The following SIPA1L2 variants were observed in gnomAD, a reference collection of about 807,000 sequenced individuals.
SIPA1L2 encodes the protein signal-induced proliferation-associated 1-like protein 2.
A neutral mutation model predicts 163.9 loss-of-function variants in SIPA1L2; 56 were observed. The observed-to-expected ratio is 0.34, with a 90% CI of 0.28 to 0.43. SIPA1L2 has a LOEUF of 0.43. SIPA1L2 is among the 20% of genes least tolerant of loss of function. SIPA1L2 has a pLI of 1.00. For synonymous variants in SIPA1L2, 877 were observed against 865.7 expected (o/e 1.01, Z -0.23); for missense variants, 1,974 against 2,193.5 (o/e 0.90, Z 2.00).
intron 1 of SIPA1L2, among the ~76,000 whole-genome samples, chr1:232,604,570 T>C (rs1167931181): frequency 6.6e-6 from 1 of 152,160 alleles, no homozygotes; most frequent in Non-Finnish European, 1.5e-5. Context: ...CAAGGTGGTG[T>C]ATCTGTTTGG....
chr1:232,584,999 T>C (rs1343265135), intron 1 of SIPA1L2, among the ~76,000 whole-genome samples: 4 of 152,212 alleles, frequency 2.6e-5, no homozygotes, highest in Admixed American at 6.5e-5. Context: ...GGATATTTCA[T>C]TTAAGCCCCC....
chr1:232,606,638 A>G (rs953815247), intron 1 of SIPA1L2, among the ~76,000 whole-genome samples: 1 of 148,682 alleles, frequency 6.7e-6, no homozygotes, highest in Non-Finnish European at 1.5e-5. Flanking sequence ...TATATACTAT[A>G]TAATTTATAA....
chr1:232,583,577 A>T (rs1002719863), intron 1 of SIPA1L2, among the ~76,000 whole-genome samples: 1 of 152,322 alleles, frequency 6.6e-6, no homozygotes, highest in African/African-American at 2.4e-5. Context: ...AATGCCATAA[A>T]CATTTCAAGA....
At chr1:232,543,885 A>T (rs1052059631) in intron 2 of SIPA1L2, among the ~76,000 whole-genome samples, 1 of 152,158 alleles carries the variant, frequency 6.6e-6, no homozygotes, top group Non-Finnish European at 1.5e-5. Flanking sequence ...AAACATATAA[A>T]ATATAAAATG....
chr1:232,479,855 G>A, intron 6 of SIPA1L2, 125 bp from the exon 7 acceptor site: 2 of 693,908 alleles, frequency 2.9e-6, no homozygotes, highest in Non-Finnish European at 5.0e-6. Context: ...ACCAGTATCT[G>A]GATGCTGCCC....
In SIPA1L2 at chr1:232,460,939, C is replaced by T; in HGVS notation, c.3043G>A (p.Val1015Met). Residue 1015 changes from valine (V) to methionine (M), a missense_variant, in exon 10 of 23, where the codon GTG (valine) becomes ATG (methionine). Physicochemically the swap from Val to Met is conservative, Grantham distance 21. Around this residue, in one of 3 missense-constraint regions of SIPA1L2, gnomAD observed 1,079 missense variants for 1,150.7 expected, o/e 0.94. Transcript: ENST00000674635. ...EQMIDLLRTS[V>M]TVKVVIIQPH... ...TGGATGATGACCACCTTCACAGTCA[C>T]AGAAGTACGGAGCAGGTCGATCATC... 6.2e-7 allele frequency: 1 copy of T among 1,614,228 alleles called. No homozygotes were observed. The highest frequency in any genetic ancestry group is 1.6e-4 in the Middle Eastern group (1 of 6,062).
intron 2 of SIPA1L2, among the ~76,000 whole-genome samples, chr1:232,540,066 G>A (rs1657551707): frequency 6.6e-6 from 1 of 152,128 alleles, no homozygotes; most frequent in Admixed American, 6.5e-5. Flanking sequence ...CATTTTGGGA[G>A]GCCGAGGTGG....
intron 19 of SIPA1L2, among the ~76,000 whole-genome samples, chr1:232,404,948 T>A (rs890428124): frequency 6.6e-6 from 1 of 152,220 alleles, no homozygotes; most frequent in Non-Finnish European, 1.5e-5. Flanking sequence ...CCTTTTCCTA[T>A]GAATTGGTTA....
chr1:232,445,270 T>C (rs1485329538), intron 11 of SIPA1L2, among the ~76,000 whole-genome samples: 1 of 152,084 alleles, frequency 6.6e-6, no homozygotes, highest in East Asian at 1.9e-4. Flanking sequence ...CCAGTGGACA[T>C]GGAGGAAGGA....
At chr1:232,448,540 C>G (rs1284791278) in intron 10 of SIPA1L2, among the ~76,000 whole-genome samples, 1 of 152,156 alleles carries the variant, frequency 6.6e-6, no homozygotes, top group East Asian at 1.9e-4. Flanking sequence ...GAAACAGAAA[C>G]AACCTCAACT....
chr1:232,628,697 AATTACT>A (rs1663207834), intron 1 of SIPA1L2, among the ~76,000 whole-genome samples: 1 of 152,186 alleles, frequency 6.6e-6, no homozygotes, highest in Non-Finnish European at 1.5e-5. Context: ...TTTTTTCTTC[AATTACT>A]AATTGTAACA....
intron 6 of SIPA1L2, among the ~76,000 whole-genome samples, chr1:232,480,905 T>C (rs958747188): frequency 6.6e-6 from 1 of 152,218 alleles, no homozygotes; most frequent in Non-Finnish European, 1.5e-5. Context: ...CCCTGTAGTA[T>C]GTCTTTCTAA....
In SIPA1L2 at chr1:232,415,775, C is replaced by T. The variant is rs879225344; in HGVS notation, c.4631-150G>A. The T allele has an allele frequency of 1.5e-5, 13 of 885,818 alleles. No individual in the cohort carries two copies. The African/African-American group carries it at 1.6e-4, about 11-fold the overall frequency. The allele number at this position is 885,818 out of a possible 1,614,324, so 54.9% of individuals were successfully genotyped here. A position where few individuals can be genotyped will look rare whatever the true frequency, so the allele number is the denominator to read the frequency against. On this transcript the variant is annotated intron_variant, in intron 18 of 22. Transcript: ENST00000674635. ...CCCCCTCCCAGAGTCAGTCAGAACA[C>T]GGGCACCACTGTCCCTCCCAGAGTC...
intron 15 of SIPA1L2, among the ~76,000 whole-genome samples, chr1:232,435,203 A>G (rs1662484377): frequency 1.3e-5 from 2 of 152,210 alleles, no homozygotes; most frequent in South Asian, 4.1e-4. Flanking sequence ...AAATGACCAA[A>G]GCGTATAGTT....
chr1:232,471,251 C>T (rs1572948235), intron 8 of SIPA1L2, 120 bp downstream of exon 8: 1 of 626,614 alleles, frequency 1.6e-6, no homozygotes, highest in Non-Finnish European at 2.3e-6. Context: ...CAGAAAGTGT[C>T]TGAGTAATTA....
At chr1:232,618,861 G>A (rs1041056610) in intron 1 of SIPA1L2, among the ~76,000 whole-genome samples, 5 of 151,982 alleles carry the variant, frequency 3.3e-5, no homozygotes, top group Admixed American at 3.3e-4. Flanking sequence ...TTATATCTCT[G>A]TATATCCAAA....
intron 19 of SIPA1L2, among the ~76,000 whole-genome samples, chr1:232,406,726 T>G (rs931157526): frequency 6.6e-6 from 1 of 151,982 alleles, no homozygotes; most frequent in South Asian, 2.1e-4. Context: ...GCTGGACTGG[T>G]GGGGGTGAAT....
chr1:232,521,571 C>T (rs1667461475), intron 2 of SIPA1L2, among the ~76,000 whole-genome samples: 1 of 152,184 alleles, frequency 6.6e-6, no homozygotes, highest in Non-Finnish European at 1.5e-5. Context: ...ACAGTCACTG[C>T]TTCTACTCCC....
In SIPA1L2 at chr1:232,461,233, G is replaced by A. The variant is rs563451438; in HGVS notation, c.2821-72C>T. 964 of 1,557,214 alleles carry A rather than the reference G, an allele frequency of 6.2e-4. 8 individuals carry two copies. In the Middle Eastern group the frequency reaches 0.014, roughly 22 times the overall value. On this transcript the variant is annotated intron_variant, in intron 9 of 22. Transcript: ENST00000674635. Reference sequence around the variant, plus strand: ...CCATGGGGCTCTGCCAAAGGTGCACGTATGGGCCTCCATGCCAGCCCTCTC... The same window carrying A: ...CCATGGGGCTCTGCCAAAGGTGCACATATGGGCCTCCATGCCAGCCCTCTC...
Sources: allele counts gnomAD v4.1 joint callset (sites outside exome capture counted in the v4.1 genomes callset), GRCh38; gene constraint gnomAD v4.1.1; regional missense constraint gnomAD v4.1.1; transcripts MANE v1.5; gene names NCBI Gene and HGNC (gene_info 2026-07-23, HGNC 2026-07-21).